The following PCSK1 variants were observed in gnomAD, a reference collection of about 807,000 sequenced individuals.
PCSK1 encodes the protein neuroendocrine convertase 1.
Under a neutral mutation model 90.6 loss-of-function variants are expected in PCSK1, and 56 were observed. The observed-to-expected ratio is 0.62, with a 90% CI of 0.50 to 0.77. PCSK1 has a LOEUF of 0.77. PCSK1 is among the 30% of genes least tolerant of loss of function. The pLI is 0.00. For synonymous variants in PCSK1, 348 were observed against 342.4 expected, an observed-to-expected ratio of 1.02 and a Z score of -0.18; for missense variants, 801 against 932.6, an observed-to-expected ratio of 0.86 and a Z score of 1.84.
At chr5:96,401,280 A>G (rs996148333) in intron 9 of PCSK1, among the ~76,000 whole-genome samples, 6 of 152,126 alleles carry the variant, frequency 3.9e-5, no homozygotes, top group Non-Finnish European at 8.8e-5. Flanking sequence ...GGACTTTGAC[A>G]GGGGGTAGAG....
At chr5:96,418,970 T>TATC (rs969268055) in intron 5 of PCSK1, among the ~76,000 whole-genome samples, 1 of 152,026 alleles carries the variant, frequency 6.6e-6, no homozygotes, top group Non-Finnish European at 1.5e-5. Context: ...CTGTGATCAT[T>TATC]ATCATCATCA....
At chr5:96,430,783 T>C (rs1045005065) in intron 1 of PCSK1, among the ~76,000 whole-genome samples, 1 of 152,214 alleles carries the variant, frequency 6.6e-6, no homozygotes, top group Admixed American at 6.5e-5. Flanking sequence ...AGAGGAAAGA[T>C]AGTATTGTAA....
rs542980070 is a variant in PCSK1, at chr5:96,428,247, A to G, written c.285+966T>C. On this transcript the variant is annotated intron_variant, in intron 2 of 13. Transcript: ENST00000311106. Reference sequence around the variant, plus strand: ...AACAGTTCTATCACCTTTCTGTCACATACATATATATATATTTTCCCCCTG... The same window carrying G: ...AACAGTTCTATCACCTTTCTGTCACGTACATATATATATATTTTCCCCCTG... Among the ~76,000 whole-genome samples, 8 of 152,282 alleles carry G rather than the reference A, an allele frequency of 5.3e-5. No individual in the cohort carries two copies. In the South Asian group the frequency reaches 1.5e-3, roughly 28 times the overall value.
At position 96,413,821 on chromosome 5, in the gene PCSK1, C is replaced by A. The variant is rs1318400529; in HGVS notation, c.710-1331G>T. Among the ~76,000 whole-genome samples, 7 of 129,102 alleles carry A rather than the reference C, an allele frequency of 5.4e-5. 1 individual carries two copies. In the East Asian group the frequency reaches 1.4e-3, roughly 26 times the overall value. 84.7% of individuals were successfully genotyped at this position (129,102 alleles called of 152,430 possible). ...GTCTCAAAAAAAAAAAAAAAAAATG[C>A]ATTTAGAAAAAAAATCGGCCAGGTG... is the stretch of plus-strand genomic sequence containing the variant. On this transcript the variant is annotated intron_variant, in intron 6 of 13. Coordinates refer to ENST00000311106, the MANE Select transcript of PCSK1 (RefSeq NM_000439.5).
intron 11 of PCSK1, among the ~76,000 whole-genome samples, chr5:96,397,699 T>G (rs1760206479): frequency 6.6e-6 from 1 of 152,196 alleles, no homozygotes; most frequent in African/African-American, 2.4e-5. Context: ...TTTGCCTCAA[T>G]AAATATTGTG....
intron 11 of PCSK1, among the ~76,000 whole-genome samples, chr5:96,397,963 AT>A (rs1467650596): frequency 6.6e-6 from 1 of 151,998 alleles, no homozygotes; most frequent in Admixed American, 6.6e-5. Context: ...TAATTAATGT[AT>A]TAATTTCTTA....
chr5:96,417,255 C>T (rs1290176607), intron 5 of PCSK1, among the ~76,000 whole-genome samples: 4 of 152,176 alleles, frequency 2.6e-5, no homozygotes, highest in Admixed American at 1.3e-4. Flanking sequence ...TTCCTGGTCT[C>T]CTTCCACAAA....
In PCSK1 at chr5:96,412,378, C is replaced by G; in HGVS notation, c.822G>C (p.Gly274=). The change falls in exon 7 of 14, where the codon GGG becomes GGC. Residue 274 remains glycine, a synonymous_variant. Transcript: ENST00000311106. ...YSASWGPNDD[G]KTVEGPGRLA... The stretch of plus-strand genomic sequence containing the variant: ...GCCGGCCAGGCCCCTCCACAGTTTT[C>G]CCATCATCATTAGGGCCCCAGCTTG... 1 of 1,614,060 alleles carries G rather than the reference C, an allele frequency of 6.2e-7. No homozygotes were observed. The highest frequency in any genetic ancestry group is 8.5e-7 in the Non-Finnish European group (1 of 1,179,924).
At chr5:96,412,523 G>T (rs762603020) in intron 6 of PCSK1, 33 bp from the exon 7 acceptor site, 13 of 1,582,908 alleles carry the variant, frequency 8.2e-6, no homozygotes, top group South Asian at 1.1e-5. Flanking sequence ...ACACACAAAG[G>T]TTGATGTCAG....
chr5:96,416,105 C>A lies in PCSK1; in HGVS notation c.637G>T (p.Ala213Ser). ...TNENKHGTRC[A>S]GEIAMQANNH... ...TTTGCTTGCATGGCAATTTCTCCTG[C>A]ACATCTGGTCCCGTGTCTGAGGATT... Residue 213 changes from alanine to serine, a missense_variant, in exon 6 of 14, where the codon GCA (alanine) becomes TCA (serine). Coordinates refer to ENST00000311106, the MANE Select transcript of PCSK1 (RefSeq NM_000439.5). 1 of 1,610,670 alleles carries A rather than the reference C, an allele frequency of 6.2e-7. No homozygotes were observed. The highest frequency in any genetic ancestry group is 8.5e-7 in the Non-Finnish European group (1 of 1,176,854).
At chr5:96,397,589 G>T in intron 11 of PCSK1, 120 bp from the exon 12 acceptor site, 1 of 900,832 alleles carries the variant, frequency 1.1e-6, no homozygotes, top group Non-Finnish European at 1.8e-6. Context: ...TTCTCTTTTA[G>T]TATAAGACCA....
Position 96,398,396 on chromosome 5 carries a change from A to T in PCSK1, c.1588+483T>A, listed in dbSNP as rs79626922. Among the ~76,000 whole-genome samples the T allele has an allele frequency of 9.7e-3, 1,471 of 152,344 alleles. 29 individuals are homozygous for T. The highest frequency in any genetic ancestry group is 0.034 in the African/African-American group (1,423 of 41,582). On this transcript the variant is annotated intron_variant, in intron 11 of 13. Transcript: ENST00000311106. ...CTGAATTAGTGCCCTCGCAGGAAAA[A>T]GCAAATGTTCATACATCATATAAAA...
At chr5:96,427,687 G>A (rs1437711207) in intron 2 of PCSK1, among the ~76,000 whole-genome samples, 1 of 152,132 alleles carries the variant, frequency 6.6e-6, no homozygotes. Flanking sequence ...ATAACAGTTA[G>A]GTATGCTCTA....
chr5:96,407,278 C>G (rs548988513), intron 9 of PCSK1, among the ~76,000 whole-genome samples: 1 of 151,962 alleles, frequency 6.6e-6, no homozygotes, highest in Non-Finnish European at 1.5e-5. Context: ...TTTTGTGAAC[C>G]AAGGCCATAA....
chr5:96,425,405 A>G (rs1207167535), intron 3 of PCSK1, among the ~76,000 whole-genome samples: 2 of 152,212 alleles, frequency 1.3e-5, no homozygotes, highest in Non-Finnish European at 2.9e-5. Flanking sequence ...TGTGTCATAT[A>G]AGAATTGTCA....
Position 96,429,251 on chromosome 5 carries a change from C to G in PCSK1, c.247G>C (p.Ala83Pro). 6.2e-7 allele frequency: 1 copy of G among 1,600,730 alleles called. No homozygotes were observed. Among genetic ancestry groups the G allele is most frequent in the Non-Finnish European group, 8.6e-7 (1 of 1,168,034 alleles). Residue 83 changes from alanine to proline, a missense_variant, in exon 2 of 14, where the codon GCC becomes CCC. Transcript: ENST00000311106. Reference sequence around the variant, plus strand: ...GATAATCTCTTAGTGATATGAAAGGCACTCCTTCGAGACCTTCTGGGGTGG... The same window carrying G: ...GATAATCTCTTAGTGATATGAAAGGGACTCCTTCGAGACCTTCTGGGGTGG... ...KNHPRRSRRS[A>P]FHITKRLSDD... is the part of the protein sequence containing the mutation.
intron 2 of PCSK1, among the ~76,000 whole-genome samples, chr5:96,427,729 AGGCAG>A (rs1424516237): frequency 6.6e-6 from 1 of 152,216 alleles, no homozygotes; most frequent in African/African-American, 2.4e-5. Context: ...GAAAGTGAGA[AGGCAG>A]GTCAGTTTGA....
chr5:96,394,616 G>A (rs997275085), intron 13 of PCSK1, among the ~76,000 whole-genome samples: 3 of 152,098 alleles, frequency 2.0e-5, no homozygotes, highest in African/African-American at 7.2e-5. Context: ...GTCATAAGTG[G>A]AGAAAATTCA....
rs554074568 is a variant in PCSK1, at chr5:96,417,726, T to G, written c.621-1605A>C. On this transcript the variant is annotated intron_variant, in intron 5 of 13. Coordinates refer to ENST00000311106, the MANE Select transcript of PCSK1 (RefSeq NM_000439.5). The stretch of plus-strand genomic sequence containing the variant: ...AATATTTTTAAAATCCCTTTGTTAC[T>G]TAATCTTTGAGTTAGGATTCTTTCA... 5.9e-5 allele frequency among the ~76,000 whole-genome samples: 9 copies of G among 152,346 alleles called. No individual in the cohort carries two copies. The South Asian group carries it at 1.4e-3, about 25-fold the overall frequency.
Sources: allele counts gnomAD v4.1 joint callset (sites outside exome capture counted in the v4.1 genomes callset), GRCh38; gene constraint gnomAD v4.1.1; transcripts MANE v1.5; gene names NCBI Gene and HGNC (gene_info 2026-07-23, HGNC 2026-07-21).